PTPRM: variants seen among roughly 807,000 people sequenced by gnomAD.
The protein encoded by PTPRM is receptor-type tyrosine-protein phosphatase mu.
In PTPRM, 47 loss-of-function variants were observed where a neutral mutation model predicts 186.7. That is an observed-to-expected ratio of 0.25 (90% CI 0.20 to 0.32). The LOEUF is 0.32. Among genes scored for constraint, PTPRM ranks in the 10% least tolerant of loss-of-function variants. The pLI is 1.00. For synonymous variants in PTPRM, 668 were observed against 674.9 expected (o/e 0.99, Z 0.16); for missense variants, 1,494 against 1,865.0 (o/e 0.80, Z 3.66).
intron 7 of PTPRM, among the ~76,000 whole-genome samples, chr18:8,044,756 C>CAAAAAAAAAAA (rs67620203): frequency 9.6e-6 from 1 of 104,710 alleles, no homozygotes; most frequent in South Asian, 3.6e-4. Flanking sequence ...GACTCTGTCT[C>CAAAAAAAAAAA]AAAAAAAAAA....
At chr18:7,939,387 C>G (rs773492792) in intron 5 of PTPRM, among the ~76,000 whole-genome samples, 45 of 152,160 alleles carry the variant, frequency 3.0e-4, no homozygotes, top group Non-Finnish European at 6.2e-4. Context: ...AATCATTGCT[C>G]TGATTATTGC....
intron 13 of PTPRM, among the ~76,000 whole-genome samples, chr18:8,139,171 A>C (rs1600783778): frequency 6.6e-6 from 1 of 152,066 alleles, no homozygotes; most frequent in Non-Finnish European, 1.5e-5. Context: ...TGGTCTGCCC[A>C]CCCACCCCTC....
At chr18:7,840,927 G>T (rs2046290538) in intron 2 of PTPRM, among the ~76,000 whole-genome samples, 1 of 152,134 alleles carries the variant, frequency 6.6e-6, no homozygotes, top group Non-Finnish European at 1.5e-5. Context: ...CTTATTTTTT[G>T]TGTGTGTTCC....
intron 1 of PTPRM, among the ~76,000 whole-genome samples, chr18:7,731,578 G>A (rs1000395590): frequency 2.6e-5 from 4 of 152,134 alleles, no homozygotes; most frequent in Non-Finnish European, 5.9e-5. Context: ...TAAGTTATCT[G>A]CAATAGTGCT....
chr18:8,174,052 C>T (rs538951143), intron 14 of PTPRM, among the ~76,000 whole-genome samples: 6 of 145,478 alleles, frequency 4.1e-5, no homozygotes, highest in South Asian at 2.2e-4. Context: ...AGCAACAGAG[C>T]GAGACTCTGT....
chr18:8,088,699 G>A (rs757206414), intron 10 of PTPRM, 50 bp from the exon 11 acceptor site: 2 of 1,421,246 alleles, frequency 1.4e-6, no homozygotes, highest in South Asian at 2.3e-5. Context: ...ACTAAACTGA[G>A]AAGATAAACC....
rs71354588 is a variant in PTPRM at position 8,023,870 on chromosome 18, A to ACACGCG, written c.1133-45815_1133-45814insACGCGC. 2.0e-3 allele frequency among the ~76,000 whole-genome samples: 303 copies of ACACGCG among 149,378 alleles called. 7 individuals carry two copies. The highest frequency in any genetic ancestry group is 5.1e-3 in the East Asian group (26 of 5,096). The stretch of plus-strand genomic sequence containing the variant: ...CACACACACACACACACACACACAC[A>ACACGCG]CGCACACCCCTCCTATGAATGAACC... On this transcript the variant is annotated intron_variant, in intron 7 of 32. Coordinates refer to ENST00000580170, the MANE Select transcript of PTPRM (RefSeq NM_001105244.2).
intron 3 of PTPRM, among the ~76,000 whole-genome samples, chr18:7,904,347 G>A (rs1194433479): frequency 1.3e-5 from 2 of 152,074 alleles, no homozygotes; most frequent in Non-Finnish European, 2.9e-5. Flanking sequence ...CCACAGTGAC[G>A]ATGCTAAACA....
intron 8 of PTPRM, among the ~76,000 whole-genome samples, chr18:8,071,691 G>A (rs189414025): frequency 6.6e-5 from 10 of 152,240 alleles, no homozygotes; most frequent in African/African-American, 1.7e-4. Context: ...GCTTCCCATC[G>A]TTGCCTGATT....
intron 7 of PTPRM, among the ~76,000 whole-genome samples, chr18:8,033,017 T>A (rs1398444389): frequency 1.3e-5 from 2 of 152,106 alleles, no homozygotes; most frequent in Non-Finnish European, 2.9e-5. Context: ...ATCTCAAAAT[T>A]CAAAACCATT....
At chr18:8,022,349 A>G (rs1440409879) in intron 7 of PTPRM, among the ~76,000 whole-genome samples, 3 of 152,220 alleles carry the variant, frequency 2.0e-5, no homozygotes, top group African/African-American at 7.2e-5. Flanking sequence ...GCTACACCCC[A>G]CATGAGTAAG....
intron 5 of PTPRM, among the ~76,000 whole-genome samples, chr18:7,942,322 G>A (rs1251305012): frequency 2.6e-5 from 4 of 151,950 alleles, no homozygotes; most frequent in East Asian, 1.9e-4. Flanking sequence ...GTTTTACATG[G>A]CACAGGAGCC....
rs151072802 is a variant in PTPRM at position 8,169,228 on chromosome 18, T to C, written c.2300+25449T>C. ...CTCCAACCATTGTATATTCATTTTC[T>C]TTCTCTTCCGCTCGAAAAGTGAATT... On this transcript the variant is annotated intron_variant, in intron 14 of 32. Transcript: ENST00000580170. Among the ~76,000 whole-genome samples the C allele has an allele frequency of 3.9e-3, 595 of 152,220 alleles. 2 individuals carry two copies. The highest frequency in any genetic ancestry group is 0.014 in the African/African-American group (573 of 41,532).
intron 1 of PTPRM, among the ~76,000 whole-genome samples, chr18:7,681,181 A>C (rs1035144555): frequency 9.2e-5 from 14 of 151,530 alleles, no homozygotes; most frequent in Non-Finnish European, 1.3e-4. Context: ...TTTAATATGA[A>C]TCTCGGAACT....
At position 7,848,967 on chromosome 18, in the gene PTPRM, A is replaced by G. The variant is rs1241554641; in HGVS notation, c.197-39139A>G. Among the ~76,000 whole-genome samples the G allele has an allele frequency of 5.3e-5, 8 of 152,138 alleles. No individual in the cohort carries two copies. The East Asian group carries it at 1.5e-3, about 29-fold the overall frequency. On this transcript the variant is annotated intron_variant, in intron 2 of 32. Transcript: ENST00000580170. The stretch of plus-strand genomic sequence containing the variant: ...ATGTGGTAAATTTTCATATAAACAA[A>G]ATACTAGATATCTCTGAGCTTTGAT...
At chr18:8,186,318 T>G (rs1379129385) in intron 14 of PTPRM, among the ~76,000 whole-genome samples, 3 of 103,808 alleles carry the variant, frequency 2.9e-5, no homozygotes, top group East Asian at 5.0e-4. Context: ...AGAGCGATAC[T>G]CCATCTCAAA....
At chr18:7,854,731 GTTTTTT>G (rs10541123) in intron 2 of PTPRM, among the ~76,000 whole-genome samples, 1 of 141,940 alleles carries the variant, frequency 7.0e-6, no homozygotes. Flanking sequence ...AATGTTAGGA[GTTTTTT>G]TTTTTTTTTT....
At chr18:8,079,770 A>G (rs1168485610) in intron 9 of PTPRM, among the ~76,000 whole-genome samples, 1 of 152,064 alleles carries the variant, frequency 6.6e-6, no homozygotes, top group African/African-American at 2.4e-5. Flanking sequence ...AAAAATAAAG[A>G]TTGACAGATT....
chr18:7,809,311 C>T (rs767304175), intron 2 of PTPRM, among the ~76,000 whole-genome samples: 1 of 152,158 alleles, frequency 6.6e-6, no homozygotes, highest in Non-Finnish European at 1.5e-5. Flanking sequence ...GCACCTAGCT[C>T]ATGAGTAGGG....
Sources: gnomAD v4.1 joint callset for allele counts (sites outside exome capture counted in the v4.1 genomes callset) on GRCh38, gnomAD v4.1.1 for gene constraint, MANE v1.5 for transcripts, NCBI Gene and HGNC (gene_info 2026-07-23, HGNC 2026-07-21) for gene names.